GGNBP2: variants seen among roughly 807,000 people sequenced by gnomAD.
The protein encoded by GGNBP2 is gametogenetin-binding protein 2.
GGNBP2 carries 10 observed loss-of-function variants against 85.9 expected under a neutral mutation model. That is an observed-to-expected ratio of 0.12 (90% CI 0.07 to 0.20). GGNBP2 has a LOEUF of 0.20. GGNBP2 is among the 10% of genes least tolerant of loss of function. The probability of loss-of-function intolerance (pLI) is 1.00; values close to 1 mark genes in which losing one functional copy is unlikely to be tolerated. For missense variants in GGNBP2, 595 were observed against 857.8 expected (o/e 0.69, Z 3.83); for synonymous variants, 287 against 285.7 (o/e 1.00, Z -0.05).
Position 36,578,184 on chromosome 17 carries a change from A to G in GGNBP2, c.843A>G (p.Gly281=). The change falls in exon 7 of 14, where the codon GGA becomes GGG. Residue 281 remains glycine, a splice_region_variant and synonymous_variant. Transcript: ENST00000613102. ...GTCGTGCTGAGCCAGAGTTCGCAGG[A>G]GGGTATGAGTATGTAATTTGCTAGA... ...LLGRAEPEFA[G]GRRERHAKTI... The G allele has an allele frequency of 6.2e-7, 1 of 1,604,790 alleles. No homozygotes were observed. Among genetic ancestry groups the G allele is most frequent in the Non-Finnish European group, 8.5e-7 (1 of 1,172,858 alleles).
In GGNBP2 at chr17:36,589,522, A is replaced by G. The variant is rs2074737777; in HGVS notation, c.*111A>G. 7 of 745,478 alleles carry G rather than the reference A, an allele frequency of 9.4e-6. No homozygotes were observed. In the East Asian group the frequency reaches 1.3e-4, roughly 14 times the overall value. The allele number at this position is 745,478 out of a possible 1,614,324, so 46.2% of individuals were successfully genotyped here. A position where few individuals can be genotyped will look rare whatever the true frequency, so the allele number is the denominator to read the frequency against. ...TATGGCAAAATTTTATCTTAAATCA[A>G]TGTGATTCTTTCTTGTTTTGGGAGA... On this transcript the variant is annotated 3_prime_UTR_variant, in exon 14 of 14. Transcript: ENST00000613102.
chr17:36,559,283 C>A (rs1047558961), intron 4 of GGNBP2, among the ~76,000 whole-genome samples: 9 of 121,918 alleles, frequency 7.4e-5, no homozygotes, highest in Non-Finnish European at 9.5e-5. Flanking sequence ...GGCAACAGAG[C>A]GAGACTCTGT....
intron 5 of GGNBP2, among the ~76,000 whole-genome samples, chr17:36,561,851 C>T (rs1362877450): frequency 3.9e-5 from 6 of 152,114 alleles, no homozygotes; most frequent in Non-Finnish European, 8.8e-5. Context: ...TCTCGATCTC[C>T]TGACCTCATG....
intron 2 of GGNBP2, among the ~76,000 whole-genome samples, chr17:36,549,182 T>C (rs2074284859): frequency 6.6e-6 from 1 of 152,122 alleles, no homozygotes; most frequent in African/African-American, 2.4e-5. Context: ...ACATATTTGA[T>C]TTTAGAGAAA....
chr17:36,569,516 T>G (rs2074502055), intron 6 of GGNBP2, among the ~76,000 whole-genome samples: 1 of 152,236 alleles, frequency 6.6e-6, no homozygotes, highest in Non-Finnish European at 1.5e-5. Context: ...TCCTTTGACT[T>G]TGAGGCAGAT....
chr17:36,581,628 C>G (rs1370713683), intron 9 of GGNBP2, 90 bp downstream of exon 9: 7 of 974,808 alleles, frequency 7.2e-6, no homozygotes, highest in Non-Finnish European at 1.0e-5. Flanking sequence ...GCCTGTGATC[C>G]CAGCACTTTG....
intron 5 of GGNBP2, among the ~76,000 whole-genome samples, chr17:36,562,044 A>C (rs1599515457): frequency 6.6e-6 from 1 of 152,348 alleles, no homozygotes; most frequent in African/African-American, 2.4e-5. Flanking sequence ...GTTGTCCCCT[A>C]CAAAATTGCC....
chr17:36,572,115 A>T (rs934433360), intron 6 of GGNBP2, among the ~76,000 whole-genome samples: 1 of 152,106 alleles, frequency 6.6e-6, no homozygotes, highest in East Asian at 1.9e-4. Flanking sequence ...AAAAGCTTTT[A>T]CGGCTTTTAT....
chr17:36,580,005 C>T (rs765620952), intron 8 of GGNBP2, among the ~76,000 whole-genome samples: 3 of 151,516 alleles, frequency 2.0e-5, no homozygotes, highest in Admixed American at 6.6e-5. Context: ...AACAAAACTC[C>T]GTCTCAAAAC....
chr17:36,571,884 A>G (rs1031976703), intron 6 of GGNBP2, among the ~76,000 whole-genome samples: 5 of 151,600 alleles, frequency 3.3e-5, no homozygotes, highest in Non-Finnish European at 5.9e-5. Context: ...AAATAAATAT[A>G]AAAACAAAAT....
At chr17:36,558,168 C>T (rs949427005) in intron 4 of GGNBP2, among the ~76,000 whole-genome samples, 1 of 151,948 alleles carries the variant, frequency 6.6e-6, no homozygotes, top group African/African-American at 2.4e-5. Flanking sequence ...AATCCCAACA[C>T]TTTGGGAGGC....
intron 6 of GGNBP2, chr17:36,576,730 G>A (rs1040733572): frequency 6.7e-6 from 1 of 149,616 alleles, no homozygotes; most frequent in Non-Finnish European, 1.5e-5. Flanking sequence ...TGAAAATAGG[G>A]ACCTACAGGA....
intron 2 of GGNBP2, among the ~76,000 whole-genome samples, chr17:36,549,402 C>A (rs1309403708): frequency 6.6e-6 from 1 of 152,104 alleles, no homozygotes; most frequent in Admixed American, 6.5e-5. Flanking sequence ...ATGGGGGTTT[C>A]CCTATGTTGG....
Position 36,589,371 on chromosome 17 carries a change from C to G in GGNBP2, c.2054C>G (p.Pro685Arg). 1 of 1,613,790 alleles carries G rather than the reference C, an allele frequency of 6.2e-7. No individual in the cohort carries two copies. ...TGCCGGTTAAATGATCACAAGAGGC[C>G]CATTTGTAGTGGCTGGTTGACAACG... ...KYCRLNDHKR[P>R]ICSGWLTTAG... Residue 685 changes from proline to arginine, a missense_variant, in exon 14 of 14, where the codon CCC (proline) becomes CGC (arginine). Pro to Arg is a moderately radical substitution (Grantham distance 103). Coordinates refer to ENST00000613102, the MANE Select transcript of GGNBP2 (RefSeq NM_024835.5).
Position 36,581,548 on chromosome 17 carries a change from C to A in GGNBP2, c.1215+10C>A. On this transcript the variant is annotated intron_variant, in intron 9 of 13. Transcript: ENST00000613102. ...AGTAAGCCAAGAGAAGGTAATATTT[C>A]TTAATATCAACTCTTAAGTGTGTAT... 6.3e-7 allele frequency: 1 copy of A among 1,584,686 alleles called. No homozygotes were observed. The highest frequency in any genetic ancestry group is 8.6e-7 in the Non-Finnish European group (1 of 1,157,306).
chr17:36,581,414 G>A lies in GGNBP2; in HGVS notation c.1091G>A (p.Arg364Gln). 5 of 1,613,754 alleles carry A rather than the reference G, an allele frequency of 3.1e-6. No homozygotes were observed. The highest frequency in any genetic ancestry group is 4.2e-6 in the Non-Finnish European group (5 of 1,179,722). Reference sequence around the variant, plus strand: ...TGTGAGGAATTTTCAGAAGAGGAACGAGTAAGAGAACTCAAGCAAGAAAAG... The same window carrying A: ...TGTGAGGAATTTTCAGAAGAGGAACAAGTAAGAGAACTCAAGCAAGAAAAG... Reference protein sequence around the residue: ...QLCEEFSEEERVRELKQEKKR... With the variant: ...QLCEEFSEEEQVRELKQEKKR... The change falls in exon 9 of 14, where the codon CGA (arginine) becomes CAA (glutamine). Residue 364 changes from arginine (R) to glutamine (Q), a missense_variant. Physicochemically the swap from Arg to Gln is conservative, Grantham distance 43. Coordinates refer to ENST00000613102, the MANE Select transcript of GGNBP2 (RefSeq NM_024835.5).
intron 3 of GGNBP2, among the ~76,000 whole-genome samples, chr17:36,555,494 G>GACC (rs1043536451): frequency 2.6e-5 from 4 of 152,162 alleles, no homozygotes; most frequent in African/African-American, 7.2e-5. Flanking sequence ...AGTAGTTGGA[G>GACC]ACCAGCCTGG....
intron 6 of GGNBP2, among the ~76,000 whole-genome samples, chr17:36,571,746 G>A (rs1183936848): frequency 2.0e-5 from 3 of 152,156 alleles, no homozygotes; most frequent in Non-Finnish European, 1.5e-5. Flanking sequence ...GGGAGGCTGA[G>A]GCAGGAGAAT....
chr17:36,558,025 T>C (rs952457222), intron 4 of GGNBP2, among the ~76,000 whole-genome samples: 2 of 151,776 alleles, frequency 1.3e-5, no homozygotes, highest in Non-Finnish European at 2.9e-5. Flanking sequence ...GGCAGGAGAA[T>C]CACTTGAACC....
Sources: allele counts gnomAD v4.1 joint callset (sites outside exome capture counted in the v4.1 genomes callset), GRCh38; gene constraint gnomAD v4.1.1; transcripts MANE v1.5; gene names NCBI Gene and HGNC (gene_info 2026-07-23, HGNC 2026-07-21).